The following CAST variants were observed in gnomAD, a reference collection of about 807,000 sequenced individuals.
CAST encodes MIR583 host.
A neutral mutation model predicts 119.6 loss-of-function variants in CAST; 76 were observed. The observed-to-expected ratio is 0.64, with a 90% CI of 0.53 to 0.77. The LOEUF is 0.77. Ranked by LOEUF, CAST falls within the 30% of genes least tolerant of loss-of-function variation. CAST has a pLI of 0.00. For synonymous variants in CAST, 319 were observed against 331.6 expected (o/e 0.96, Z 0.41); for missense variants, 953 against 946.5 (o/e 1.01, Z -0.09).
the CAST span, among the ~76,000 whole-genome samples, chr5:96,205,512 T>C: frequency 6.6e-6 from 1 of 152,066 alleles, no homozygotes; most frequent in Non-Finnish European, 1.5e-5. Context: ...TTCCCTTCTT[T>C]GTGTCTGTGT....
chr5:96,425,797 A>T, the CAST span: 1 of 1,307,044 alleles, frequency 7.7e-7, no homozygotes, highest in Non-Finnish European at 1.1e-6. Context: ...TCCCACCCAC[A>T]TAGTCCTTCT....
At chr5:96,238,366 C>CTTCATCTT in the CAST span, among the ~76,000 whole-genome samples, 391 of 23,132 alleles carry the variant, frequency 0.017, 5 homozygotes, top group African/African-American at 0.04. Flanking sequence ...TTCTTCTTCT[C>CTTCATCTT]CTTCTTCTCC....
At chr5:96,422,227 A>G in the CAST span, among the ~76,000 whole-genome samples, 3,744 of 152,154 alleles carry the variant, frequency 0.025, 150 homozygotes, top group African/African-American at 0.086. Flanking sequence ...GGGATATTGG[A>G]GTTGGAAGGA....
chr5:96,087,406 A>G, the CAST span, among the ~76,000 whole-genome samples: 2 of 152,168 alleles, frequency 1.3e-5, no homozygotes, highest in African/African-American at 4.8e-5. Flanking sequence ...TAAGATTCTA[A>G]TCTTTTTCAA....
intron 3 of CAST, among the ~76,000 whole-genome samples, chr5:96,706,678 T>C (rs1411822015): frequency 6.6e-6 from 1 of 152,238 alleles, no homozygotes; most frequent in Non-Finnish European, 1.5e-5. Context: ...CTCCCAGTCA[T>C]TGGCTTGCCT....
the CAST span, among the ~76,000 whole-genome samples, chr5:96,375,295 A>G: frequency 6.6e-6 from 1 of 152,204 alleles, no homozygotes; most frequent in East Asian, 1.9e-4. Context: ...AACTTCCCCT[A>G]TAGCTGTACA....
the CAST span, among the ~76,000 whole-genome samples, chr5:96,168,655 G>C: frequency 6.6e-6 from 1 of 152,128 alleles, no homozygotes; most frequent in Non-Finnish European, 1.5e-5. Flanking sequence ...AATGTGATCA[G>C]GGTGAGAAAC....
At chr5:96,312,974 T>C in the CAST span, among the ~76,000 whole-genome samples, 1 of 152,130 alleles carries the variant, frequency 6.6e-6, no homozygotes. Flanking sequence ...ATGGATGTTG[T>C]AGTTATTAGG....
At chr5:96,336,322 A>G in the CAST span, among the ~76,000 whole-genome samples, 2 of 152,342 alleles carry the variant, frequency 1.3e-5, no homozygotes, top group South Asian at 2.1e-4. Context: ...TTATAAGGGA[A>G]GTTTCAAGTT....
intron 1 of CAST, among the ~76,000 whole-genome samples, chr5:96,552,624 A>T (rs564043003): frequency 6.6e-6 from 1 of 152,260 alleles, no homozygotes; most frequent in South Asian, 2.1e-4. Flanking sequence ...ATCAGTGAAT[A>T]CAGGAGCTGG....
the CAST span, among the ~76,000 whole-genome samples, chr5:96,173,398 G>T: frequency 6.6e-6 from 1 of 152,122 alleles, no homozygotes; most frequent in Admixed American, 6.5e-5. Flanking sequence ...TAAACAATTT[G>T]CAAAAAGTAC....
At chr5:96,688,227 A>G (rs1221505759) in intron 2 of CAST, among the ~76,000 whole-genome samples, 1 of 152,204 alleles carries the variant, frequency 6.6e-6, no homozygotes, top group East Asian at 1.9e-4. Flanking sequence ...TTTATATATA[A>G]ATTTTCTTTG....
the CAST span, among the ~76,000 whole-genome samples, chr5:96,431,674 G>T: frequency 7.9e-5 from 12 of 152,084 alleles, no homozygotes; most frequent in Non-Finnish European, 1.6e-4. Flanking sequence ...AAGACAATTT[G>T]GTTTATAAAG....
At chr5:96,434,634 G>GT in the CAST span, among the ~76,000 whole-genome samples, 7 of 149,230 alleles carry the variant, frequency 4.7e-5, no homozygotes, top group South Asian at 1.3e-3. Context: ...TGTTGTTGTT[G>GT]TTTTTTAAAG....
chr5:96,238,378 T>TCTTCTC, the CAST span, among the ~76,000 whole-genome samples: 4 of 149,612 alleles, frequency 2.7e-5, no homozygotes, highest in Admixed American at 6.7e-5. Context: ...TTCTTCTCCT[T>TCTTCTC]CTTCTCCTTC....
chr5:96,752,710 A>G (rs1189338145), intron 20 of CAST, among the ~76,000 whole-genome samples: 1 of 150,898 alleles, frequency 6.6e-6, no homozygotes, highest in Non-Finnish European at 1.5e-5. Context: ...AGCTTTTCTT[A>G]CTTGAAATCA....
chr5:96,701,420 C>T (rs1753872850), intron 3 of CAST, among the ~76,000 whole-genome samples: 1 of 152,070 alleles, frequency 6.6e-6, no homozygotes, highest in African/African-American at 2.4e-5. Flanking sequence ...GTCAGTGAAA[C>T]CTAGATGAGC....
At chr5:96,108,605 G>T in the CAST span, among the ~76,000 whole-genome samples, 1 of 151,786 alleles carries the variant, frequency 6.6e-6, no homozygotes, top group Non-Finnish European at 1.5e-5. Context: ...CTGCATTCTG[G>T]GAGAACCACT....
At chr5:96,735,097 G>GC (rs1561544963) in intron 9 of CAST, among the ~76,000 whole-genome samples, 1 of 152,154 alleles carries the variant, frequency 6.6e-6, no homozygotes, top group African/African-American at 2.4e-5. Flanking sequence ...CACCCTAGTG[G>GC]CCCCCACAGT....
Sources: allele counts gnomAD v4.1 joint callset (sites outside exome capture counted in the v4.1 genomes callset), GRCh38; gene constraint gnomAD v4.1.1; transcripts MANE v1.5; gene names NCBI Gene and HGNC (gene_info 2026-07-23, HGNC 2026-07-21).